Variants in TRMT2A observed in about 807,000 individuals in gnomAD.
TRMT2A encodes the protein tRNA methyltransferase 2A.
Under a neutral mutation model 59.3 loss-of-function variants are expected in TRMT2A, and 60 were observed. That is an observed-to-expected ratio of 1.01 (90% CI 0.82 to 1.26). TRMT2A has a LOEUF of 1.26. TRMT2A is among the 50% of genes most tolerant of loss of function. The probability of loss-of-function intolerance (pLI) is 0.00; values close to 1 mark genes in which losing one functional copy is unlikely to be tolerated. For synonymous variants in TRMT2A, 403 were observed against 353.7 expected, an observed-to-expected ratio of 1.14 and a Z score of -1.56; for missense variants, 863 against 845.2, an observed-to-expected ratio of 1.02 and a Z score of -0.26.
chr22:20,116,649 A>C, intron 1 of TRMT2A, 37 bp from the exon 2 acceptor site: 1 of 1,516,700 alleles, frequency 6.6e-7, no homozygotes. Context: ...GGTGAGGACT[A>C]GGCCCTGGGG....
Position 20,116,329 on chromosome 22 carries a change from G to C in TRMT2A, c.308C>G (p.Thr103Ser). 3 of 1,612,976 alleles carry C rather than the reference G, an allele frequency of 1.9e-6. No individual in the cohort carries two copies. The highest frequency in any genetic ancestry group is 2.5e-6 in the Non-Finnish European group (3 of 1,180,022). ...GCAGGGTGGTTGCCCAAAGAGTTTGGTTTTGTGGGGCTGCAGACCAAAGCG... is the reference window on the plus strand; with the variant it reads ...GCAGGGTGGTTGCCCAAAGAGTTTGCTTTTGTGGGGCTGCAGACCAAAGCG... ...LGRFGLQPHK[T>S]KLFGQPPCAF... The change falls in exon 2 of 12, where the codon ACC (threonine) becomes AGC (serine). Residue 103 changes from threonine (T) to serine (S), a missense_variant. Transcript: ENST00000252136.
chr22:20,116,750 G>A, intron 1 of TRMT2A, 133 bp downstream of exon 1: 3 of 1,156,182 alleles, frequency 2.6e-6, no homozygotes, highest in Non-Finnish European at 3.6e-6. Context: ...CTACCCTCCC[G>A]ACCCCATTCC....
At chr22:20,114,447 CCT>C (rs1220712869) in intron 7 of TRMT2A, 125 bp downstream of exon 7, 9 of 785,306 alleles carry the variant, frequency 1.1e-5, no homozygotes, top group East Asian at 9.9e-5. Context: ...TTCACCCTCC[CCT>C]GTGGCTCACC....
chr22:20,112,700 C>A lies in TRMT2A; in HGVS notation c.1741G>T (p.Glu581Ter). 6.2e-7 allele frequency: 1 copy of A among 1,614,050 alleles called. No homozygotes were observed. Among genetic ancestry groups the A allele is most frequent in the Non-Finnish European group, 8.5e-7 (1 of 1,180,030 alleles). The change falls in exon 12 of 12, where the codon GAG becomes TAG. Residue 581 changes from glutamate (E) to a stop codon, truncating the protein, a stop_gained. Transcript: ENST00000252136. LOFTEE classifies it low-confidence loss of function (END_TRUNC). ...VDLFPQTPHCEMLILFERVEH... is the reference protein window; with the variant it reads ...VDLFPQTPHC ...ACCCTCTCAAACAGGATGAGCATCT[C>A]ACAGTGCGGGGTCTGCGGGAACAGG...
chr22:20,115,524 C>G, intron 3 of TRMT2A, 77 bp from the exon 4 acceptor site: 1 of 1,569,622 alleles, frequency 6.4e-7, no homozygotes, highest in Middle Eastern at 1.7e-4. Context: ...CCCACAGGGG[C>G]TGGCAGTCAA....
At chr22:20,115,177 C>T in intron 4 of TRMT2A, 89 bp downstream of exon 4, 1 of 1,572,160 alleles carries the variant, frequency 6.4e-7, no homozygotes. Flanking sequence ...GCTGAAATGG[C>T]AGGCACTCCA....
intron 10 of TRMT2A, 31 bp downstream of exon 10, chr22:20,113,087 C>G (rs371858704): frequency 6.2e-7 from 1 of 1,609,862 alleles, no homozygotes; most frequent in East Asian, 2.2e-5. Flanking sequence ...TCCTCGTTCC[C>G]GTGCCACCTC....
rs561211958 is a variant in TRMT2A, at chr22:20,117,192, C to G, written c.-286G>C. On this transcript the variant is annotated 5_prime_UTR_variant, in exon 1 of 12. Transcript: ENST00000252136. ...CTCGCTTCGCCAGCCACTCTTAGTC[C>G]GCCAGCGCGTGCGGCGGAGGCCGAG... is the stretch of plus-strand genomic sequence containing the variant. 5 of 544,650 alleles carry G rather than the reference C, an allele frequency of 9.2e-6. No individual in the cohort carries two copies. The highest frequency in any genetic ancestry group is 1.5e-5 in the Non-Finnish European group (5 of 328,868). The allele number at this position is 544,650 out of a possible 1,614,324, so 33.7% of individuals were successfully genotyped here.
chr22:20,115,880 T>A, intron 2 of TRMT2A, 100 bp from the exon 3 acceptor site: 1 of 1,397,898 alleles, frequency 7.2e-7, no homozygotes, highest in Admixed American at 2.4e-5. Context: ...TCCTTTGGGA[T>A]GTCATTGTGC....
At position 20,113,969 on chromosome 22, in the gene TRMT2A, T is replaced by C. The variant is rs986620085; in HGVS notation, c.1234-161A>G. 2.6e-5 allele frequency among the ~76,000 whole-genome samples: 4 copies of C among 152,204 alleles called. No homozygotes were observed. In the East Asian group the frequency reaches 5.8e-4, roughly 22 times the overall value. ...TCCCTGACCCCACCTTGGACCAGCCTTGCTGATGCCCTCATCCAGCCCCTG... is the reference window on the plus strand; with the variant it reads ...TCCCTGACCCCACCTTGGACCAGCCCTGCTGATGCCCTCATCCAGCCCCTG... On this transcript the variant is annotated intron_variant, in intron 7 of 11. Transcript: ENST00000252136.
At chr22:20,114,719 A>G in intron 6 of TRMT2A, 34 bp from the exon 7 acceptor site, 1 of 1,611,376 alleles carries the variant, frequency 6.2e-7, no homozygotes, top group Non-Finnish European at 8.5e-7. Flanking sequence ...TCAGTGTCAC[A>G]GTCCCTGCAG....
rs1216486798 is a variant in TRMT2A at position 20,117,135 on chromosome 22, A to ACCGC, written c.-233_-230dup. ...GTCCGGGTCTCAGGCTTGGGGCTGT[A>ACCGC]CCGCCCGCCCGCCAGGGGCCCGCGC... is the stretch of plus-strand genomic sequence containing the variant. On this transcript the variant is annotated 5_prime_UTR_variant, in exon 1 of 12. Transcript: ENST00000252136. 2 of 578,518 alleles carry ACCGC rather than the reference A, an allele frequency of 3.5e-6. No homozygotes were observed. Among genetic ancestry groups the ACCGC allele is most frequent in the South Asian group, 2.7e-5 (1 of 37,610 alleles). 35.8% of individuals were successfully genotyped at this position (578,518 alleles called of 1,614,324 possible). A position where few individuals can be genotyped will look rare whatever the true frequency, so the allele number is the denominator to read the frequency against.
rs1337169110 is a variant in TRMT2A, at chr22:20,116,308, G to A, written c.329C>T (p.Pro110Leu). ...PHKTKLFGQP[P>L]CAFVTFRSAA... ...GCTGCGGAATGTCACAAAGGCGCAG[G>A]GTGGTTGCCCAAAGAGTTTGGTTTT... Residue 110 changes from proline (P) to leucine (L), a missense_variant, in exon 2 of 12, where the codon CCC becomes CTC. Coordinates refer to ENST00000252136, the MANE Select transcript of TRMT2A (RefSeq NM_022727.6). 6.2e-7 allele frequency: 1 copy of A among 1,612,978 alleles called. No individual in the cohort carries two copies.
chr22:20,114,985 T>C lies in TRMT2A; in HGVS notation c.985A>G (p.Ile329Val). Reference sequence around the variant, plus strand: ...GAGACCTGGGGGTGGAAGTAGGCAATGGCCATGGCCTGGTGGCGGCGGCTG... The same window carrying C: ...GAGACCTGGGGGTGGAAGTAGGCAACGGCCATGGCCTGGTGGCGGCGGCTG... ...RTSRRHQAMA[I>V]AYFHPQKLSP... is the part of the protein sequence containing the mutation. The change falls in exon 5 of 12, where the codon ATT becomes GTT. Residue 329 changes from isoleucine to valine, a missense_variant. Transcript: ENST00000252136. The C allele has an allele frequency of 1.9e-6, 3 of 1,596,730 alleles. No individual in the cohort carries two copies. The highest frequency in any genetic ancestry group is 2.6e-6 in the Non-Finnish European group (3 of 1,173,210).
At position 20,113,449 on chromosome 22, in the gene TRMT2A, A is replaced by T. The variant is rs1182440447; in HGVS notation, c.1415T>A (p.Val472Glu). ...LCPEAVEDAR[V>E]NAQDNELSNV... ...CCACTCACCATTGTCCTGGGCGTTCACCCGGGCGTCCTCCACAGCCTCTGG... is the reference window on the plus strand; with the variant it reads ...CCACTCACCATTGTCCTGGGCGTTCTCCCGGGCGTCCTCCACAGCCTCTGG... Residue 472 changes from valine (V) to glutamate (E), a missense_variant, in exon 9 of 12, where the codon GTG becomes GAG. Coordinates refer to ENST00000252136, the MANE Select transcript of TRMT2A (RefSeq NM_022727.6). 2 of 1,609,998 alleles carry T rather than the reference A, an allele frequency of 1.2e-6. No homozygotes were observed. Among genetic ancestry groups the T allele is most frequent in the Admixed American group, 3.4e-5 (2 of 59,654 alleles).
In TRMT2A at chr22:20,116,051, G is replaced by T; in HGVS notation, c.586C>A (p.Gln196Lys). 6.4e-7 allele frequency: 1 copy of T among 1,559,758 alleles called. No homozygotes were observed. The highest frequency in any genetic ancestry group is 1.2e-5 in the South Asian group (1 of 83,944). Residue 196 changes from glutamine to lysine, a missense_variant, in exon 2 of 12, where the codon CAG becomes AAG. Transcript: ENST00000252136. ...GCCCACACTCACTTGGCAAGTTTCT[G>T]CAGCACCTGCTCGCACTCCAGCTGC... ...RKQLECEQVL[Q>K]KLAKEIGSTN... is the part of the protein sequence containing the mutation.
rs1419858758 is a variant in TRMT2A at position 20,116,560 on chromosome 22, C to T, written c.77G>A (p.Cys26Tyr). The T allele has an allele frequency of 6.3e-7, 1 of 1,582,874 alleles. No homozygotes were observed. Among genetic ancestry groups the T allele is most frequent in the Non-Finnish European group, 8.6e-7 (1 of 1,168,960 alleles). The change falls in exon 2 of 12, where the codon TGC becomes TAC. Residue 26 changes from cysteine to tyrosine, a missense_variant. Transcript: ENST00000252136. ...CGQESSSALS[C>Y]PTVSVPPAAP... ...TGCAGGGGGCACCGAGACGGTAGGGCAGCTCAGGGCACTGCTGCTCTCCTG... is the reference window on the plus strand; with the variant it reads ...TGCAGGGGGCACCGAGACGGTAGGGTAGCTCAGGGCACTGCTGCTCTCCTG...
At position 20,112,961 on chromosome 22, in the gene TRMT2A, C is replaced by G. The variant is rs754795795; in HGVS notation, c.1596G>C (p.Arg532=). Residue 532 remains arginine, a synonymous_variant, in exon 11 of 12, where the codon CGG becomes CGC. Coordinates refer to ENST00000252136, the MANE Select transcript of TRMT2A (RefSeq NM_022727.6). The part of the protein sequence containing the change: ...LAIRRAKNLR[R]LLYVSCNPRA... ...GGGGGTTGCATGAGACGTACAGCAG[C>G]CGCCTGAGGTTCTTAGCTCTCCGGA... The G allele has an allele frequency of 1.9e-6, 3 of 1,613,826 alleles. No individual in the cohort carries two copies. The Admixed American group carries it at 5.0e-5, about 27-fold the overall frequency.
intron 2 of TRMT2A, 117 bp downstream of exon 2, chr22:20,115,921 C>T: frequency 1.4e-6 from 2 of 1,408,278 alleles, no homozygotes; most frequent in African/African-American, 1.4e-5. Flanking sequence ...TGCTGGCTAG[C>T]TCCCAAAGGG....
Sources: gnomAD v4.1 joint callset for allele counts (sites outside exome capture counted in the v4.1 genomes callset) on GRCh38, gnomAD v4.1.1 for gene constraint, MANE v1.5 for transcripts, NCBI Gene and HGNC (gene_info 2026-07-23, HGNC 2026-07-21) for gene names.